CHAT: variants seen among roughly 807,000 people sequenced by gnomAD.
The protein encoded by CHAT is choline O-acetyltransferase.
A neutral mutation model predicts 76.9 loss-of-function variants in CHAT; 61 were observed. The observed-to-expected ratio is 0.79, with a 90% CI of 0.65 to 0.98. The LOEUF (loss-of-function observed/expected upper bound fraction) is 0.98, where lower values mean the gene tolerates loss of function less well. Among genes scored for constraint, CHAT ranks in the 50% least tolerant of loss-of-function variants. CHAT has a pLI of 0.00. For missense variants in CHAT, 946 were observed against 986.9 expected, an observed-to-expected ratio of 0.96 and a Z score of 0.56; for synonymous variants, 407 against 397.4, an observed-to-expected ratio of 1.02 and a Z score of -0.29.
At chr10:49,632,582 C>T (rs1001031200) in intron 7 of CHAT, among the ~76,000 whole-genome samples, 5 of 152,192 alleles carry the variant, frequency 3.3e-5, no homozygotes, top group Non-Finnish European at 5.9e-5. Flanking sequence ...AAGCTGAGCT[C>T]CTCTCAGCCT....
upstream of CHAT, chr10:49,610,816 C>T: frequency 6.2e-7 from 1 of 1,602,362 alleles, no homozygotes; most frequent in Non-Finnish European, 8.5e-7. Context: ...CGCGGCGCTG[C>T]AGGAGCCCCG....
chr10:49,625,049 AG>A (rs147322136), intron 5 of CHAT, among the ~76,000 whole-genome samples: 32 of 152,318 alleles, frequency 2.1e-4, no homozygotes, highest in African/African-American at 7.7e-4. Flanking sequence ...CTGAGACCAG[AG>A]GGAAAAAGAA....
At chr10:49,626,216 C>A (rs900330023) in intron 6 of CHAT, among the ~76,000 whole-genome samples, 5 of 152,126 alleles carry the variant, frequency 3.3e-5, no homozygotes, top group Admixed American at 2.0e-4. Context: ...TGCTCTACCC[C>A]CTGCAGCTCA....
chr10:49,646,006 T>C (rs567637027), intron 7 of CHAT, among the ~76,000 whole-genome samples: 1 of 152,320 alleles, frequency 6.6e-6, no homozygotes, highest in Non-Finnish European at 1.5e-5. Context: ...TAATGTGAAA[T>C]TGCCTAATTT....
Position 49,620,912 on chromosome 10 carries a change from G to A in CHAT, c.698+299G>A, listed in dbSNP as rs140373295. On this transcript the variant is annotated intron_variant, in intron 4 of 14. Transcript: ENST00000337653. Reference sequence around the variant, plus strand: ...CTCCACCTGGCTGAGGCCCTGGGAGGAGGCGTGTGTCCCTGGACCACGCCA... The same window carrying A: ...CTCCACCTGGCTGAGGCCCTGGGAGAAGGCGTGTGTCCCTGGACCACGCCA... Among the ~76,000 whole-genome samples, 541 of 152,350 alleles carry A rather than the reference G, an allele frequency of 3.6e-3. 4 individuals are homozygous for A. Among genetic ancestry groups the A allele is most frequent in the South Asian group, 0.031 (152 of 4,834 alleles).
intron 13 of CHAT, among the ~76,000 whole-genome samples, chr10:49,658,166 G>A (rs1840088364): frequency 2.6e-5 from 4 of 152,162 alleles, no homozygotes; most frequent in Non-Finnish European, 5.9e-5. Context: ...CAGATCACCT[G>A]AGGTCAGGAG....
upstream of CHAT, chr10:49,614,020 G>A (rs2132693304): frequency 2.4e-6 from 3 of 1,228,872 alleles, no homozygotes; most frequent in Non-Finnish European, 2.3e-6. Context: ...TGGGGTTGGG[G>A]AAGTGCGGTG....
chr10:49,627,844 T>C (rs1255643904), intron 7 of CHAT, 59 bp downstream of exon 7: 1 of 1,572,168 alleles, frequency 6.4e-7, no homozygotes, highest in Non-Finnish European at 8.6e-7. Context: ...CCATTGGCTT[T>C]CCCTCCTCTA....
At chr10:49,646,756 C>CA in intron 8 of CHAT, 82 bp downstream of exon 8, 1 of 1,479,808 alleles carries the variant, frequency 6.8e-7, no homozygotes, top group Non-Finnish European at 9.3e-7. Context: ...CAGCCTGGTG[C>CA]CCAGGCCCGC....
At chr10:49,612,461 A>G (rs1838328128), upstream of CHAT, 4 of 964,718 alleles carry the variant, frequency 4.1e-6, no homozygotes, top group Non-Finnish European at 6.2e-6. Context: ...CCACTCCTCA[A>G]CCTTGACTTC....
chr10:49,652,321 A>T (rs546967283), intron 11 of CHAT, among the ~76,000 whole-genome samples: 9 of 152,048 alleles, frequency 5.9e-5, no homozygotes, highest in Non-Finnish European at 1.0e-4. Flanking sequence ...GCTGCTCTCC[A>T]TCCCAACTTC....
rs761771110 is a variant in CHAT, at chr10:49,655,414, A to G, written c.1805A>G (p.Asp602Gly). ...TCTGAGAAGCTTCTGCTCCTGAAGG[A>G]TGCCATCCGTGCCCAGACTGCATAC... ...PASEKLLLLK[D>G]AIRAQTAYTV... The change falls in exon 13 of 15, where the codon GAT (aspartate) becomes GGT (glycine). Residue 602 changes from aspartate (D) to glycine (G), a missense_variant. Physicochemically the swap from Asp to Gly is moderately conservative, Grantham distance 94. Around this residue, in one of 3 missense-constraint regions of CHAT, gnomAD observed 349 missense variants for 393.9 expected, o/e 0.89. Transcript: ENST00000337653. 1 of 1,614,138 alleles carries G rather than the reference A, an allele frequency of 6.2e-7. No individual in the cohort carries two copies. Among genetic ancestry groups the G allele is most frequent in the South Asian group, 1.1e-5 (1 of 91,086 alleles).
rs568619881 is a variant in CHAT, at chr10:49,651,771, C to T, written c.1512-113C>T. On this transcript the variant is annotated intron_variant, in intron 10 of 14. Transcript: ENST00000337653. ...ACTCCTGAAGGGCAGGGACTACGTC[C>T]GCACCTTCCAGAACGCTAGGACACA... The T allele has an allele frequency of 6.0e-5, 66 of 1,107,828 alleles. 1 individual carries two copies. The highest frequency in any genetic ancestry group is 5.3e-4 in the South Asian group (38 of 71,410). 68.6% of individuals were successfully genotyped at this position (1,107,828 alleles called of 1,614,324 possible).
chr10:49,640,483 TC>T lies in CHAT; in HGVS notation c.1112-6020del, dbSNP rs1839442925. Among the ~76,000 whole-genome samples, 3 of 145,706 alleles carry T rather than the reference TC, an allele frequency of 2.1e-5. No individual in the cohort carries two copies. The South Asian group carries it at 6.7e-4, about 33-fold the overall frequency. On this transcript the variant is annotated intron_variant, in intron 7 of 14. Coordinates refer to ENST00000337653, the MANE Select transcript of CHAT (RefSeq NM_020549.5). ...CTGTTGACACCCTGGGGGAGGGGAC[TC>T]CTTATTACTGCAGGGTTGGGGGGTG...
rs1326337273 is a variant in CHAT at position 49,628,777 on chromosome 10, A to G, written c.1111+992A>G. Among the ~76,000 whole-genome samples, 3 of 152,264 alleles carry G rather than the reference A, an allele frequency of 2.0e-5. No homozygotes were observed. In the East Asian group the frequency reaches 5.8e-4, roughly 29 times the overall value. On this transcript the variant is annotated intron_variant, in intron 7 of 14. Coordinates refer to ENST00000337653, the MANE Select transcript of CHAT (RefSeq NM_020549.5). ...GCATGAGTGAGAAAGGCTGGAGGGAAGGATGGTACCCAGGCAGGCAGACCA... is the reference window on the plus strand; with the variant it reads ...GCATGAGTGAGAAAGGCTGGAGGGAGGGATGGTACCCAGGCAGGCAGACCA...
upstream of CHAT, among the ~76,000 whole-genome samples, chr10:49,610,136 G>A (rs992794714): frequency 3.3e-5 from 5 of 151,758 alleles, no homozygotes; most frequent in Non-Finnish European, 5.9e-5. Flanking sequence ...TCCAGCCCTG[G>A]AGCATCTGGA....
At chr10:49,652,171 C>T (rs1221782664) in intron 11 of CHAT, among the ~76,000 whole-genome samples, 165 bp downstream of exon 11, 1 of 152,144 alleles carries the variant, frequency 6.6e-6, no homozygotes, top group East Asian at 1.9e-4. Flanking sequence ...AACTGGGTTA[C>T]AAATCCAACC....
intron 13 of CHAT, among the ~76,000 whole-genome samples, chr10:49,659,428 G>A (rs1840125616): frequency 6.6e-6 from 1 of 152,206 alleles, no homozygotes; most frequent in Non-Finnish European, 1.5e-5. Context: ...AAAAGATAGA[G>A]GGGTGCCCGC....
rs777805256 is a variant in CHAT, at chr10:49,655,243, C to A, written c.1776+7C>A. The A allele has an allele frequency of 6.2e-7, 1 of 1,613,976 alleles. No individual in the cohort carries two copies. Among genetic ancestry groups the A allele is most frequent in the Non-Finnish European group, 8.5e-7 (1 of 1,180,034 alleles). ...CCACAAGGCTGCTGTGCCAGTAAGT[C>A]CCGCCCCACCCCACGGCCACAGGAA... On this transcript the variant is annotated splice_region_variant and intron_variant, in intron 12 of 14. Transcript: ENST00000337653.
Sources: gnomAD v4.1 joint callset for allele counts (sites outside exome capture counted in the v4.1 genomes callset) on GRCh38, gnomAD v4.1.1 for gene constraint, gnomAD v4.1.1 regional missense constraint, MANE v1.5 for transcripts, NCBI Gene and HGNC (gene_info 2026-07-23, HGNC 2026-07-21) for gene names.